Variants in THADA observed in about 807,000 individuals in gnomAD.
The protein encoded by THADA is THADA armadillo repeat containing, also known as tRNA (32-2'-O)-methyltransferase regulator THADA.
A neutral mutation model predicts 219.8 loss-of-function variants in THADA; 213 were observed. The observed-to-expected ratio is 0.97, with a 90% confidence interval of 0.87 to 1.09. The LOEUF is 1.09. Among genes scored for constraint, THADA ranks in the 50% least tolerant of loss-of-function variants. THADA has a pLI of 0.00. For synonymous variants in THADA, 1,018 were observed against 828.9 expected, an observed-to-expected ratio of 1.23 and a Z score of -3.92; for missense variants, 2,956 against 2,311.3, an observed-to-expected ratio of 1.28 and a Z score of -5.72.
At chr2:43,431,826 G>A (rs1156859846) in intron 26 of THADA, among the ~76,000 whole-genome samples, 3 of 46,338 alleles carry the variant, frequency 6.5e-5, no homozygotes, top group African/African-American at 1.4e-4. Context: ...CACCACGCCC[G>A]GATAATTTTT....
At chr2:43,496,348 T>C (rs1327751609) in intron 25 of THADA, among the ~76,000 whole-genome samples, 4 of 152,224 alleles carry the variant, frequency 2.6e-5, no homozygotes, top group African/African-American at 9.6e-5. Context: ...GTACTGGGTA[T>C]TGCCCATTAT....
At chr2:43,344,739 G>A (rs1271130991) in intron 29 of THADA, among the ~76,000 whole-genome samples, 3 of 151,482 alleles carry the variant, frequency 2.0e-5, no homozygotes, top group African/African-American at 7.3e-5. Flanking sequence ...ACTGGGCAGT[G>A]ATGTTTGTAA....
At chr2:43,434,515 C>T (rs1253520933) in intron 26 of THADA, among the ~76,000 whole-genome samples, 1 of 152,110 alleles carries the variant, frequency 6.6e-6, no homozygotes, top group African/African-American at 2.4e-5. Flanking sequence ...GGCACACAAG[C>T]GGCTGGATGA....
intron 3 of THADA, among the ~76,000 whole-genome samples, chr2:43,591,564 A>G (rs1440530788): frequency 1.3e-5 from 2 of 152,180 alleles, no homozygotes. Flanking sequence ...CTTTCCAAAA[A>G]AAAAAACTAT....
intron 29 of THADA, among the ~76,000 whole-genome samples, chr2:43,383,639 C>T (rs1423336568): frequency 6.6e-6 from 1 of 152,120 alleles, no homozygotes; most frequent in Non-Finnish European, 1.5e-5. Context: ...TGTGAAAATG[C>T]AGATTCTAAT....
intron 29 of THADA, among the ~76,000 whole-genome samples, chr2:43,369,907 A>C (rs1226054600): frequency 4.6e-5 from 7 of 152,192 alleles, no homozygotes; most frequent in Admixed American, 1.3e-4. Flanking sequence ...ACACTATGTG[A>C]TTCTTGTACT....
chr2:43,352,409 T>C (rs1283319308), intron 29 of THADA, among the ~76,000 whole-genome samples: 1 of 151,934 alleles, frequency 6.6e-6, no homozygotes, highest in Non-Finnish European at 1.5e-5. Flanking sequence ...AATACAAAAA[T>C]TAGCTGGGTG....
At chr2:43,588,665 A>G (rs1701242156) in intron 4 of THADA, among the ~76,000 whole-genome samples, 1 of 152,140 alleles carries the variant, frequency 6.6e-6, no homozygotes, top group Non-Finnish European at 1.5e-5. Context: ...ATTAGATTTT[A>G]AAAGATTTAA....
chr2:43,381,847 A>G lies in THADA; in HGVS notation c.4227+16124T>C, dbSNP rs529342562. Among the ~76,000 whole-genome samples the G allele has an allele frequency of 1.1e-3, 168 of 152,272 alleles. 1 individual carries two copies. Among genetic ancestry groups the G allele is most frequent in the African/African-American group, 3.9e-3 (162 of 41,552 alleles). ...TGATCTGCCTGCCTCGGCCTCCCAA[A>G]GTGCTGGGATTATGACATGAGCCAC... On this transcript the variant is annotated intron_variant, in intron 29 of 37. Coordinates refer to ENST00000405975, the MANE Select transcript of THADA (RefSeq NM_022065.5).
Position 43,293,157 on chromosome 2 carries a change from G to C in THADA, c.4495C>G (p.Leu1499Val), listed in dbSNP as rs1674948969. ...AAGGCCCAAGGGAATCCCGTTATCA[G>C]CTCTGATCCTGAGATAATCCCTCTG... Reference protein sequence around the residue: ...EVRGIISGSELITGFPWAFKV... With the variant: ...EVRGIISGSEVITGFPWAFKV... Residue 1499 changes from leucine (L) to valine (V), a missense_variant, in exon 32 of 38, where the codon CTG becomes GTG. By Grantham distance (32) the Leu-to-Val change is conservative. Transcript: ENST00000405975. 2 of 1,613,966 alleles carry C rather than the reference G, an allele frequency of 1.2e-6. No homozygotes were observed. Among genetic ancestry groups the C allele is most frequent in the East Asian group, 2.2e-5 (1 of 44,890 alleles).
intron 36 of THADA, among the ~76,000 whole-genome samples, chr2:43,277,071 T>G (rs891403489): frequency 1.3e-5 from 2 of 152,008 alleles, no homozygotes; most frequent in African/African-American, 4.8e-5. Context: ...CCCAGCTGAT[T>G]TCCCTGCCTG....
chr2:43,474,439 G>A (rs2104974240), intron 26 of THADA, among the ~76,000 whole-genome samples: 1 of 152,266 alleles, frequency 6.6e-6, no homozygotes, highest in Admixed American at 6.5e-5. Context: ...TACGTTTACA[G>A]CCGAGTTCAA....
chr2:43,508,775 GGGC>G lies in THADA; in HGVS notation c.3377_3379del (p.Cys1126_Pro1127delinsSer). The G allele has an allele frequency of 6.2e-7, 1 of 1,613,020 alleles. No homozygotes were observed. Among genetic ancestry groups the G allele is most frequent in the Non-Finnish European group, 8.5e-7 (1 of 1,179,494 alleles). The stretch of plus-strand genomic sequence containing the variant: ...TGGCAGCTTTTGCAGACTCACATTT[GGGC>G]ACCTAAAAGGCATATATAATCAAAT... On this transcript the variant is annotated inframe_deletion and splice_region_variant, in exon 23 of 38. Transcript: ENST00000405975.
chr2:43,488,512 T>G (rs1407726718), intron 25 of THADA, among the ~76,000 whole-genome samples: 1 of 152,208 alleles, frequency 6.6e-6, no homozygotes, highest in African/African-American at 2.4e-5. Context: ...TATCAGTATG[T>G]TATTCCTTTT....
At chr2:43,411,029 C>T (rs1306500961) in intron 28 of THADA, among the ~76,000 whole-genome samples, 1 of 152,208 alleles carries the variant, frequency 6.6e-6, no homozygotes, top group Admixed American at 6.5e-5. Flanking sequence ...TAAACTTTTA[C>T]AACCAGAATT....
chr2:43,338,060 T>C (rs1422005635), intron 30 of THADA, among the ~76,000 whole-genome samples: 3 of 152,084 alleles, frequency 2.0e-5, no homozygotes, highest in Non-Finnish European at 4.4e-5. Flanking sequence ...TGATGAAATA[T>C]ACATAATATA....
At chr2:43,489,108 T>G (rs1687283083) in intron 25 of THADA, among the ~76,000 whole-genome samples, 1 of 152,218 alleles carries the variant, frequency 6.6e-6, no homozygotes, top group Non-Finnish European at 1.5e-5. Context: ...GTGGGTTGTC[T>G]TTATACTTTC....
At chr2:43,541,054 A>C in intron 21 of THADA, 105 bp downstream of exon 21, 1 of 1,154,296 alleles carries the variant, frequency 8.7e-7, no homozygotes. Context: ...GTATGATTTT[A>C]TTCAAGAAAA....
At chr2:43,283,951 G>A (rs1256767108) in intron 35 of THADA, among the ~76,000 whole-genome samples, 1 of 152,208 alleles carries the variant, frequency 6.6e-6, no homozygotes. Context: ...GGCTGAGATG[G>A]GTGGATTGCC....
Sources: gnomAD v4.1 joint callset for allele counts (sites outside exome capture counted in the v4.1 genomes callset) on GRCh38, gnomAD v4.1.1 for gene constraint, MANE v1.5 for transcripts, NCBI Gene and HGNC (gene_info 2026-07-23, HGNC 2026-07-21) for gene names.